The following LRFN2 variants were observed in gnomAD, a reference collection of about 807,000 sequenced individuals.
LRFN2 encodes leucine-rich repeat and fibronectin type-III domain-containing protein 2.
A neutral mutation model predicts 37.3 loss-of-function variants in LRFN2; 18 were observed. That is an observed-to-expected ratio of 0.48 (90% CI 0.33 to 0.72). The LOEUF (loss-of-function observed/expected upper bound fraction) is 0.72, where lower values mean the gene tolerates loss of function less well. Among genes scored for constraint, LRFN2 ranks in the 30% least tolerant of loss-of-function variants. The pLI is 0.02. For missense variants in LRFN2, 1,006 were observed against 1,060.7 expected, an observed-to-expected ratio of 0.95 and a Z score of 0.72; for synonymous variants, 556 against 466.6, an observed-to-expected ratio of 1.19 and a Z score of -2.47.
chr6:40,419,519 C>T (rs578063930), intron 2 of LRFN2, among the ~76,000 whole-genome samples: 1 of 152,330 alleles, frequency 6.6e-6, no homozygotes, highest in Admixed American at 6.5e-5. Flanking sequence ...AGTTCAACTC[C>T]AGCCAACCTG....
intron 1 of LRFN2, among the ~76,000 whole-genome samples, chr6:40,515,892 CA>C (rs71543993): frequency 0.5 from 45,916 of 91,238 alleles, 9,002 homozygotes; most frequent in Middle Eastern, 0.63. Flanking sequence ...GACTCCATAT[CA>C]AAAAAAAAAA....
intron 2 of LRFN2, among the ~76,000 whole-genome samples, chr6:40,418,181 C>T (rs1233770890): frequency 6.6e-6 from 1 of 152,170 alleles, no homozygotes; most frequent in African/African-American, 2.4e-5. Flanking sequence ...ACTTCTCCAA[C>T]AGGATGAATG....
intron 1 of LRFN2, among the ~76,000 whole-genome samples, chr6:40,434,531 C>T (rs2113827488): frequency 6.6e-6 from 1 of 150,556 alleles, no homozygotes; most frequent in South Asian, 2.1e-4. Flanking sequence ...CAGGGGAGCG[C>T]AGTGGCGCAA....
At chr6:40,531,454 T>A (rs376921) in intron 1 of LRFN2, among the ~76,000 whole-genome samples, 2 of 151,912 alleles carry the variant, frequency 1.3e-5, no homozygotes, top group African/African-American at 4.8e-5. Flanking sequence ...TTACATTTCC[T>A]CTGTGTTTAG....
Position 40,520,858 on chromosome 6 carries a change from C to T in LRFN2, c.-19+66083G>A, listed in dbSNP as rs565628203. On this transcript the variant is annotated intron_variant, in intron 1 of 2. Transcript: ENST00000338305. Reference sequence around the variant, plus strand: ...GAGGCTGCCAACCCCATATCACCACCGAGCACCCTCAGAGGGGCCGCGCCC... The same window carrying T: ...GAGGCTGCCAACCCCATATCACCACTGAGCACCCTCAGAGGGGCCGCGCCC... 5.8e-4 allele frequency among the ~76,000 whole-genome samples: 88 copies of T among 152,254 alleles called. 2 individuals are homozygous for T. The South Asian group carries it at 0.015, about 27-fold the overall frequency.
intron 1 of LRFN2, among the ~76,000 whole-genome samples, chr6:40,522,534 C>T (rs1766111061): frequency 6.6e-6 from 1 of 152,196 alleles, no homozygotes; most frequent in South Asian, 2.1e-4. Context: ...GACAACTGCT[C>T]TCTGCACCTC....
intron 2 of LRFN2, among the ~76,000 whole-genome samples, chr6:40,428,288 C>A (rs750354054): frequency 6.6e-6 from 1 of 152,196 alleles, no homozygotes; most frequent in Non-Finnish European, 1.5e-5. Flanking sequence ...CTTTCCCAAT[C>A]AACATTTTTT....
chr6:40,480,694 A>C (rs1308119788), intron 1 of LRFN2, among the ~76,000 whole-genome samples: 1 of 151,980 alleles, frequency 6.6e-6, no homozygotes, highest in East Asian at 1.9e-4. Context: ...TGAGTCTCTT[A>C]TTTCTCTGGG....
intron 1 of LRFN2, among the ~76,000 whole-genome samples, chr6:40,573,040 A>G (rs947131795): frequency 2.6e-5 from 4 of 152,228 alleles, no homozygotes; most frequent in African/African-American, 9.6e-5. Context: ...CAGAACTGAA[A>G]AGGACTGGAG....
chr6:40,548,871 A>C (rs992897632), intron 1 of LRFN2, among the ~76,000 whole-genome samples: 1 of 152,242 alleles, frequency 6.6e-6, no homozygotes, highest in Non-Finnish European at 1.5e-5. Flanking sequence ...TTCACAGAGC[A>C]CAGGGAAATG....
rs988477489 is a variant in LRFN2, at chr6:40,392,525, C to T, written c.1788G>A (p.Pro596=). The change falls in exon 3 of 3, where the codon CCG becomes CCA. Residue 596 remains proline, a synonymous_variant. Coordinates refer to ENST00000338305, the MANE Select transcript of LRFN2 (RefSeq NM_020737.3). The surrounding 1 kb of genome is among the most constrained non-coding windows in gnomAD (Gnocchi z 4.7). The part of the protein sequence containing the change: ...PPSSAPAGAP[P]QGPPKVVVRN... Reference sequence around the variant, plus strand: ...GCACCACCACCTTCGGCGGGCCCTGCGGCGGGGCCCCGGCTGGTGCGCTGC... The same window carrying T: ...GCACCACCACCTTCGGCGGGCCCTGTGGCGGGGCCCCGGCTGGTGCGCTGC... The T allele has an allele frequency of 1.4e-5, 22 of 1,586,726 alleles. No homozygotes were observed. The highest frequency in any genetic ancestry group is 4.0e-5 in the African/African-American group (3 of 74,262).
intron 1 of LRFN2, among the ~76,000 whole-genome samples, chr6:40,478,973 A>C (rs1764766202): frequency 6.6e-6 from 1 of 152,232 alleles, no homozygotes; most frequent in Admixed American, 6.5e-5. Context: ...AATGTACAAA[A>C]TTATACTCTG....
intron 1 of LRFN2, among the ~76,000 whole-genome samples, chr6:40,559,446 A>G (rs1766952579): frequency 6.6e-6 from 1 of 152,154 alleles, no homozygotes; most frequent in African/African-American, 2.4e-5. Flanking sequence ...GGGAATCCCC[A>G]GTTCAGCTGG....
chr6:40,425,652 G>A (rs956019746), intron 2 of LRFN2, among the ~76,000 whole-genome samples: 4 of 152,172 alleles, frequency 2.6e-5, no homozygotes, highest in Non-Finnish European at 4.4e-5. Flanking sequence ...GGCATTGAGG[G>A]ACATGATAGT....
intron 1 of LRFN2, among the ~76,000 whole-genome samples, chr6:40,556,453 GAGGAA>G (rs1214955425): frequency 6.6e-6 from 1 of 152,212 alleles, no homozygotes; most frequent in Non-Finnish European, 1.5e-5. Flanking sequence ...TGAAAGGACA[GAGGAA>G]AGGGAAGGGG....
intron 1 of LRFN2, among the ~76,000 whole-genome samples, chr6:40,435,214 G>T (rs1347971133): frequency 6.8e-6 from 1 of 147,200 alleles, no homozygotes; most frequent in African/African-American, 2.5e-5. Context: ...AGGCTGGAGT[G>T]CAGTGGCACA....
chr6:40,420,028 T>C (rs1763185267), intron 2 of LRFN2, among the ~76,000 whole-genome samples: 1 of 152,206 alleles, frequency 6.6e-6, no homozygotes, highest in African/African-American at 2.4e-5. Flanking sequence ...GCCGCTCACC[T>C]CCTTTACAAT....
chr6:40,461,588 C>CA lies in LRFN2; in HGVS notation c.-18-28458dup, dbSNP rs11305426. ...TCCCCAGCCACCCCCCTCCCCCCGACAAAAAAAAAAAACCCTCCCTTCAAC... is the reference window on the plus strand; with the variant it reads ...TCCCCAGCCACCCCCCTCCCCCCGACAAAAAAAAAAAAACCCTCCCTTCAAC... On this transcript the variant is annotated intron_variant, in intron 1 of 2. Transcript: ENST00000338305. 3.6e-3 allele frequency among the ~76,000 whole-genome samples: 464 copies of CA among 129,640 alleles called. 2 individuals carry two copies. Among genetic ancestry groups the CA allele is most frequent in the East Asian group, 9.9e-3 (44 of 4,448 alleles). The allele number at this position is 129,640 out of a possible 152,430, so 85.0% of individuals were successfully genotyped here.
chr6:40,476,372 C>T (rs539903154), intron 1 of LRFN2, among the ~76,000 whole-genome samples: 112 of 152,290 alleles, frequency 7.4e-4, no homozygotes, highest in African/African-American at 2.4e-3. Context: ...TGTATGAAAC[C>T]GTCTTGAATT....
Sources: gnomAD v4.1 joint callset for allele counts (sites outside exome capture counted in the v4.1 genomes callset) on GRCh38, gnomAD v4.1.1 for gene constraint, Gnocchi (gnomAD v3.1) non-coding constraint, MANE v1.5 for transcripts, NCBI Gene and HGNC (gene_info 2026-07-23, HGNC 2026-07-21) for gene names.